The following CRACD variants were observed in gnomAD, a reference collection of about 807,000 sequenced individuals.
The protein encoded by CRACD is capping protein inhibiting regulator of actin dynamics.
In CRACD, 56 loss-of-function variants were observed where a neutral mutation model predicts 106.8. That is an observed-to-expected ratio of 0.52 (90% CI 0.42 to 0.66). CRACD has a LOEUF of 0.66. Ranked by LOEUF, CRACD falls within the 30% of genes least tolerant of loss-of-function variation. CRACD has a pLI of 0.00. For synonymous variants in CRACD, 754 were observed against 670.8 expected, an observed-to-expected ratio of 1.12 and a Z score of -1.92; for missense variants, 1,730 against 1,623.2, an observed-to-expected ratio of 1.07 and a Z score of -1.13.
At chr4:56,272,888 G>A (rs919184354) in intron 3 of CRACD, among the ~76,000 whole-genome samples, 1 of 125,006 alleles carries the variant, frequency 8.0e-6, no homozygotes, top group African/African-American at 3.4e-5. Flanking sequence ...GACAGAGTGA[G>A]ACTCTGCCTC....
chr4:56,049,896 A>T (rs1407801588), intron 1 of CRACD: 1 of 152,196 alleles, frequency 6.6e-6, no homozygotes, highest in East Asian at 1.9e-4. Context: ...GTGGTGTAAA[A>T]TCTGTTTTCT....
At chr4:56,070,891 C>A (rs867472502) in intron 1 of CRACD, among the ~76,000 whole-genome samples, 3 of 12,654 alleles carry the variant, frequency 2.4e-4, no homozygotes, top group East Asian at 1.8e-3. Context: ...GTGTGTGTGT[C>A]CACAGGCAGG....
At chr4:56,076,624 G>C (rs942138009) in intron 1 of CRACD, among the ~76,000 whole-genome samples, 1 of 152,052 alleles carries the variant, frequency 6.6e-6, no homozygotes, top group African/African-American at 2.4e-5. Context: ...CATTCCCTCT[G>C]CCTGGAAAGA....
In CRACD at chr4:56,314,671, G is replaced by GGGAGGGCCGGCGGGGCGC. The variant is rs1484704944; in HGVS notation, c.1175_1192dup (p.Gly392_Glu397dup). The GGGAGGGCCGGCGGGGCGC allele has an allele frequency of 3.9e-6, 6 of 1,550,114 alleles. No homozygotes were observed. In the Admixed American group the frequency reaches 7.9e-5, roughly 20 times the overall value. On this transcript the variant is annotated inframe_insertion, in exon 8 of 11. Transcript: ENST00000682029. This position sits in a 1 kb window ranked among gnomAD's most constrained non-coding sequence, Gnocchi z 4.4. ...CCGCCCGAGGCGTTGGAGGAGACTG[G>GGGAGGGCCGGCGGGGCGC]GGAGGGCCGGCGGGGCGCGGAGGAG...
At chr4:56,278,847 C>T (rs1332806852) in intron 3 of CRACD, among the ~76,000 whole-genome samples, 1 of 152,044 alleles carries the variant, frequency 6.6e-6, no homozygotes, top group Non-Finnish European at 1.5e-5. Flanking sequence ...AGACATCGCT[C>T]CACAAAAGAT....
intron 8 of CRACD, among the ~76,000 whole-genome samples, chr4:56,320,309 C>G (rs977315943): frequency 1.3e-5 from 2 of 152,132 alleles, no homozygotes; most frequent in Non-Finnish European, 2.9e-5. Context: ...CTCCTCAGAA[C>G]TTGAGGAGGC....
chr4:56,304,864 A>G (rs1225911516), intron 4 of CRACD, among the ~76,000 whole-genome samples: 1 of 152,194 alleles, frequency 6.6e-6, no homozygotes, highest in African/African-American at 2.4e-5. Context: ...GATGATGGCA[A>G]AAATCCTAAT....
chr4:56,226,075 G>A (rs1277911456), intron 2 of CRACD, among the ~76,000 whole-genome samples: 1 of 152,212 alleles, frequency 6.6e-6, no homozygotes, highest in Non-Finnish European at 1.5e-5. Flanking sequence ...AATAGCAAAA[G>A]TGAAGTCGTA....
Position 56,236,495 on chromosome 4 carries a change from G to A in CRACD, c.-188-35826G>A, listed in dbSNP as rs753255748. 2.0e-5 allele frequency among the ~76,000 whole-genome samples: 3 copies of A among 152,216 alleles called. No homozygotes were observed. The East Asian group carries it at 5.8e-4, about 29-fold the overall frequency. On this transcript the variant is annotated intron_variant, in intron 2 of 10. Transcript: ENST00000682029. ...GAGACAATATTCAAAATTCAGCACT[G>A]GATATTGGCAGGACTAGGCACTAAC... is the stretch of plus-strand genomic sequence containing the variant.
At chr4:56,299,826 T>C (rs1188986016) in intron 4 of CRACD, among the ~76,000 whole-genome samples, 1 of 144,562 alleles carries the variant, frequency 6.9e-6, no homozygotes, top group Non-Finnish European at 1.5e-5. Context: ...ATGGATTAAA[T>C]GAATGAATCA....
intron 2 of CRACD, among the ~76,000 whole-genome samples, chr4:56,240,793 A>T (rs1740321966): frequency 6.6e-6 from 1 of 152,198 alleles, no homozygotes; most frequent in African/African-American, 2.4e-5. Context: ...TGATCTTCAA[A>T]AAGAAGATTC....
At chr4:56,236,037 C>G (rs1739948007) in intron 2 of CRACD, among the ~76,000 whole-genome samples, 1 of 152,156 alleles carries the variant, frequency 6.6e-6, no homozygotes, top group Admixed American at 6.5e-5. Context: ...TTGAAAAATG[C>G]TATGTTGGAA....
At chr4:56,221,052 A>G (rs1739004000) in intron 2 of CRACD, among the ~76,000 whole-genome samples, 1 of 152,134 alleles carries the variant, frequency 6.6e-6, no homozygotes, top group South Asian at 2.1e-4. Context: ...GGTAAGCCAA[A>G]CCCCTGGAAA....
At chr4:56,321,276 A>C (rs1042406929) in intron 8 of CRACD, 14 of 199,344 alleles carry the variant, frequency 7.0e-5, no homozygotes. Flanking sequence ...GATGAAGGAG[A>C]CCTGCCAAGG....
chr4:56,247,861 AAGAGAG>A (rs201091189), intron 2 of CRACD, among the ~76,000 whole-genome samples: 86 of 151,372 alleles, frequency 5.7e-4, no homozygotes, highest in African/African-American at 2.0e-3. Context: ...AAAAAAAAAA[AAGAGAG>A]AGAGAGAGAA....
At chr4:56,147,125 T>C (rs1361406372) in intron 1 of CRACD, among the ~76,000 whole-genome samples, 1 of 152,040 alleles carries the variant, frequency 6.6e-6, no homozygotes, top group Non-Finnish European at 1.5e-5. Context: ...TCCCCTTGAG[T>C]AAGAGGATTC....
At chr4:56,110,678 C>T (rs1035581393) in intron 1 of CRACD, among the ~76,000 whole-genome samples, 1 of 152,146 alleles carries the variant, frequency 6.6e-6, no homozygotes, top group Middle Eastern at 3.4e-3. Flanking sequence ...CTCACTGGTA[C>T]CTCCGTTTCC....
intron 2 of CRACD, among the ~76,000 whole-genome samples, chr4:56,260,133 T>G (rs1247112847): frequency 2.0e-5 from 3 of 152,236 alleles, no homozygotes; most frequent in Admixed American, 2.0e-4. Flanking sequence ...AGGACTCTGA[T>G]AGTTATGAGT....
chr4:56,104,602 G>A (rs35623860), intron 1 of CRACD, among the ~76,000 whole-genome samples: 2 of 152,060 alleles, frequency 1.3e-5, no homozygotes, highest in African/African-American at 4.8e-5. Context: ...GGAACTGCAC[G>A]TTCCCAGTGG....
Sources: allele counts gnomAD v4.1 joint callset (sites outside exome capture counted in the v4.1 genomes callset), GRCh38; gene constraint gnomAD v4.1.1; non-coding constraint Gnocchi (gnomAD v3.1); transcripts MANE v1.5; gene names NCBI Gene and HGNC (gene_info 2026-07-23, HGNC 2026-07-21).